SLF2: variants seen among roughly 807,000 people sequenced by gnomAD.
SLF2 encodes the protein SMC5/6 complex localization factor 2, also known as SMC5-SMC6 complex localization factor protein 2.
Under a neutral mutation model 124.3 loss-of-function variants are expected in SLF2, and 68 were observed. That is an observed-to-expected ratio of 0.55 (90% confidence interval 0.45 to 0.67). The LOEUF (loss-of-function observed/expected upper bound fraction) is 0.67. Among genes scored for constraint, SLF2 ranks in the 30% least tolerant of loss-of-function variants. The probability of loss-of-function intolerance (pLI) is 0.00; values close to 1 mark genes in which losing one functional copy is unlikely to be tolerated. For missense variants in SLF2, 1,246 were observed against 1,373.7 expected (o/e 0.91, Z 1.47); for synonymous variants, 480 against 478.8 (o/e 1.00, Z -0.03).
intron 6 of SLF2, among the ~76,000 whole-genome samples, chr10:100,928,073 G>C (rs61871480): frequency 7.4e-5 from 5 of 67,850 alleles, no homozygotes; most frequent in Non-Finnish European, 1.3e-4. Flanking sequence ...ACACACGAGA[G>C]AGAGACAGAG....
chr10:100,949,792 C>T (rs1318727757), intron 15 of SLF2, among the ~76,000 whole-genome samples: 4 of 152,006 alleles, frequency 2.6e-5, no homozygotes, highest in African/African-American at 7.3e-5. Flanking sequence ...GGCGGGGTTT[C>T]TCCACGTTGG....
intron 17 of SLF2, among the ~76,000 whole-genome samples, chr10:100,955,922 A>G (rs1263909404): frequency 2.0e-5 from 3 of 149,318 alleles, no homozygotes; most frequent in Non-Finnish European, 4.5e-5. Flanking sequence ...AAAAAAAAAG[A>G]ACTGGGCACG....
At chr10:100,937,684 C>T (rs779417542) in intron 10 of SLF2, among the ~76,000 whole-genome samples, 19 of 152,118 alleles carry the variant, frequency 1.2e-4, no homozygotes, top group Admixed American at 5.9e-4. Flanking sequence ...TCTCAGCTCA[C>T]TGCAACTTCC....
rs887880600 is a variant in SLF2, at chr10:100,916,462, G to T, written c.185-108G>T. On this transcript the variant is annotated intron_variant, in intron 2 of 19. Coordinates refer to ENST00000238961, the MANE Select transcript of SLF2 (RefSeq NM_018121.4). Reference sequence around the variant, plus strand: ...CCAAGTTGTTGGTTTGAAAATTTTTGTGGTAACATTAGTATAGTTTAATTT... The same window carrying T: ...CCAAGTTGTTGGTTTGAAAATTTTTTTGGTAACATTAGTATAGTTTAATTT... 4 of 954,398 alleles carry T rather than the reference G, an allele frequency of 4.2e-6. No homozygotes were observed. In the African/African-American group the frequency reaches 6.8e-5, roughly 16 times the overall value. The allele number at this position is 954,398 out of a possible 1,614,324, so 59.1% of individuals were successfully genotyped here.
At chr10:100,956,336 A>G (rs1346497777) in intron 17 of SLF2, 115 bp from the exon 18 acceptor site, 3 of 727,002 alleles carry the variant, frequency 4.1e-6, no homozygotes, top group Non-Finnish European at 6.9e-6. Flanking sequence ...AATATCAGTC[A>G]TTGCTAACAG....
intron 11 of SLF2, 79 bp downstream of exon 11, chr10:100,938,815 T>G: frequency 7.9e-7 from 1 of 1,266,370 alleles, no homozygotes; most frequent in Non-Finnish European, 1.1e-6. Flanking sequence ...AGTTTAATAT[T>G]TATTTCTGAT....
chr10:100,942,738 C>T (rs12770334), intron 11 of SLF2, among the ~76,000 whole-genome samples: 66,609 of 152,036 alleles, frequency 0.44, 16,618 homozygotes, highest in Middle Eastern at 0.61. Flanking sequence ...AGGCTGGTCT[C>T]GAACTCCTGA....
At chr10:100,954,019 G>A (rs1420167962) in intron 17 of SLF2, among the ~76,000 whole-genome samples, 4 of 152,002 alleles carry the variant, frequency 2.6e-5, no homozygotes, top group African/African-American at 9.7e-5. Context: ...CACTTTGGTA[G>A]GCCGAGGCAT....
In SLF2 at chr10:100,962,771, C is replaced by T. The variant is rs533019595; in HGVS notation, c.*859C>T. The T allele has an allele frequency of 1.2e-4, 18 of 152,510 alleles. No individual in the cohort carries two copies. The highest frequency in any genetic ancestry group is 4.3e-4 in the African/African-American group (18 of 41,472). 9.4% of individuals were successfully genotyped at this position (152,510 alleles called of 1,614,324 possible). On this transcript the variant is annotated 3_prime_UTR_variant, in exon 20 of 20. Coordinates refer to ENST00000238961, the MANE Select transcript of SLF2 (RefSeq NM_018121.4). Reference sequence around the variant, plus strand: ...AAGCCTAAAGATCTGGACAAGTTTCCAACAACCTTGTTTCCATGAGTATAT... The same window carrying T: ...AAGCCTAAAGATCTGGACAAGTTTCTAACAACCTTGTTTCCATGAGTATAT...
chr10:100,922,225 A>G (rs916344099), intron 4 of SLF2, among the ~76,000 whole-genome samples: 3 of 152,164 alleles, frequency 2.0e-5, no homozygotes, highest in African/African-American at 7.2e-5. Context: ...CTACAGGCAC[A>G]TGCCACTGCA....
At position 100,924,457 on chromosome 10, in the gene SLF2, C is replaced by T. The variant is rs547273335; in HGVS notation, c.1456C>T (p.Leu486=). Reference sequence around the variant, plus strand: ...CCGTGTTCCAAGTGCTGGTTCCTCTCTAGTACCATTAAATGCTAAAAATTG... The same window carrying T: ...CCGTGTTCCAAGTGCTGGTTCCTCTTTAGTACCATTAAATGCTAAAAATTG... The part of the protein sequence containing the change: ...LSRVPSAGSS[L]VPLNAKNCAL... Residue 486 remains leucine, a synonymous_variant, in exon 5 of 20, where the codon CTA becomes TTA. Transcript: ENST00000238961. 1.2e-6 allele frequency: 2 copies of T among 1,614,160 alleles called. No individual in the cohort carries two copies. Among genetic ancestry groups the T allele is most frequent in the South Asian group, 1.1e-5 (1 of 91,082 alleles).
intron 7 of SLF2, 57 bp downstream of exon 7, chr10:100,929,496 T>C (rs1414828251): frequency 6.8e-7 from 1 of 1,464,666 alleles, no homozygotes; most frequent in East Asian, 2.5e-5. Context: ...TTTTTTAGTT[T>C]TGTTTTTGTA....
At chr10:100,925,812 T>C in intron 5 of SLF2, 137 bp from the exon 6 acceptor site, 3 of 833,656 alleles carry the variant, frequency 3.6e-6, no homozygotes, top group East Asian at 5.4e-5. Context: ...ATGGTGAAAA[T>C]TATCCTTTAA....
At chr10:100,951,337 A>G (rs188113509) in intron 17 of SLF2, among the ~76,000 whole-genome samples, 37 of 152,336 alleles carry the variant, frequency 2.4e-4, no homozygotes, top group Non-Finnish European at 5.0e-4. Flanking sequence ...TAATATATTC[A>G]TAAGATACCA....
At chr10:100,937,643 C>G (rs1477504598) in intron 10 of SLF2, among the ~76,000 whole-genome samples, 166 bp downstream of exon 10, 1 of 151,552 alleles carries the variant, frequency 6.6e-6, no homozygotes, top group Admixed American at 6.6e-5. Flanking sequence ...CAGAATCTTG[C>G]TGTCGCCCGG....
intron 17 of SLF2, among the ~76,000 whole-genome samples, chr10:100,951,245 G>GA (rs1194484663): frequency 6.6e-6 from 1 of 152,064 alleles, no homozygotes; most frequent in African/African-American, 2.4e-5. Context: ...CTCCATCTCA[G>GA]AAAAAAGAAG....
intron 1 of SLF2, 110 bp downstream of exon 1, chr10:100,913,360 G>C (rs917623274): frequency 1.5e-6 from 2 of 1,374,834 alleles, no homozygotes; most frequent in East Asian, 6.0e-5. Context: ...GAGCTCAGGC[G>C]TTGGCATTTC....
At chr10:100,947,246 G>A in intron 14 of SLF2, 110 bp downstream of exon 14, 1 of 584,304 alleles carries the variant, frequency 1.7e-6, no homozygotes, top group Non-Finnish European at 2.7e-6. Flanking sequence ...GATCAGATAT[G>A]TTTATTTCAT....
intron 15 of SLF2, among the ~76,000 whole-genome samples, chr10:100,948,566 G>A (rs1850150622): frequency 1.3e-5 from 2 of 152,034 alleles, no homozygotes; most frequent in Admixed American, 1.3e-4. Context: ...AGCACTAATG[G>A]GGCTGCCCTT....
Sources: allele counts gnomAD v4.1 joint callset (sites outside exome capture counted in the v4.1 genomes callset), GRCh38; gene constraint gnomAD v4.1.1; transcripts MANE v1.5; gene names NCBI Gene and HGNC (gene_info 2026-07-23, HGNC 2026-07-21).